The following RTP2 variants were observed in gnomAD, a reference collection of about 807,000 sequenced individuals.
RTP2 encodes the protein receptor-transporting protein 2.
RTP2 carries 12 observed loss-of-function variants against 17.9 expected under a neutral mutation model. The observed-to-expected ratio is 0.67, with a 90% CI of 0.43 to 1.09. The LOEUF (loss-of-function observed/expected upper bound fraction) is 1.09. RTP2 is among the 50% of genes least tolerant of loss of function. The pLI is 0.00. For synonymous variants in RTP2, 126 were observed against 117.7 expected (o/e 1.07, Z -0.46); for missense variants, 327 against 295.7 (o/e 1.11, Z -0.78).
chr3:187,706,811 C>T (rs1238943115), upstream of RTP2, among the ~76,000 whole-genome samples: 1 of 152,126 alleles, frequency 6.6e-6, no homozygotes, highest in Non-Finnish European at 1.5e-5. Context: ...CCATGTTGGC[C>T]AGGCTGGTCT....
Position 187,701,976 on chromosome 3 carries a change from G to A in RTP2, c.153C>T (p.His51=), listed in dbSNP as rs150707467. ...ACTGAACCTCTCACCTGCCTGAGGC[G>A]TGCTGCTCCAGGTACTGCTTCCAGC... The change falls in exon 1 of 2, where the codon CAC becomes CAT. Residue 51 remains histidine, a synonymous_variant. Transcript: ENST00000358241. 794 of 1,601,280 alleles carry A rather than the reference G, an allele frequency of 5.0e-4. 2 individuals carry two copies. Among genetic ancestry groups the A allele is most frequent in the Non-Finnish European group, 5.9e-4 (691 of 1,172,358 alleles).
upstream of RTP2, among the ~76,000 whole-genome samples, chr3:187,703,144 C>T (rs946129525): frequency 8.5e-5 from 13 of 152,158 alleles, no homozygotes; most frequent in African/African-American, 2.7e-4. Context: ...GACACGGTTA[C>T]CTGAAGGGAG....
the RTP2 span, among the ~76,000 whole-genome samples, chr3:187,714,501 T>C: frequency 1.3e-5 from 2 of 152,166 alleles, no homozygotes; most frequent in African/African-American, 2.4e-5. Context: ...ACTCAAAAAA[T>C]AGCACTGGCC....
chr3:187,705,587 A>G (rs1038467510), upstream of RTP2, among the ~76,000 whole-genome samples: 5 of 152,202 alleles, frequency 3.3e-5, no homozygotes, highest in Admixed American at 6.5e-5. Flanking sequence ...GAAAGGACCC[A>G]TTAAAGCTGA....
At chr3:187,700,155 T>A (rs1326751707) in intron 1 of RTP2, among the ~76,000 whole-genome samples, 1 of 152,162 alleles carries the variant, frequency 6.6e-6, no homozygotes, top group African/African-American at 2.4e-5. Flanking sequence ...ACACCTCCCA[T>A]ATGCCAAGCA....
At chr3:187,708,046 G>T in the RTP2 span, among the ~76,000 whole-genome samples, 1 of 152,204 alleles carries the variant, frequency 6.6e-6, no homozygotes, top group Non-Finnish European at 1.5e-5. Context: ...TATTAATAGA[G>T]TTGGAATATT....
the RTP2 span, among the ~76,000 whole-genome samples, chr3:187,708,386 C>G: frequency 6.6e-6 from 1 of 152,232 alleles, no homozygotes; most frequent in Non-Finnish European, 1.5e-5. Context: ...GGTGCCATAA[C>G]AGTTACTTAA....
intron 1 of RTP2, among the ~76,000 whole-genome samples, chr3:187,700,444 A>G (rs1358886228): frequency 3.3e-5 from 5 of 152,230 alleles, no homozygotes; most frequent in African/African-American, 1.2e-4. Context: ...GGGAGCCACA[A>G]GTCACCAGCC....
At chr3:187,703,739 A>C (rs562071196), upstream of RTP2, among the ~76,000 whole-genome samples, 27 of 152,116 alleles carry the variant, frequency 1.8e-4, no homozygotes, top group African/African-American at 6.5e-4. Context: ...CCTGGCCTAG[A>C]CCCTCGTGCC....
chr3:187,699,094 C>T, intron 1 of RTP2, 83 bp from the exon 2 acceptor site: 2 of 1,440,548 alleles, frequency 1.4e-6, no homozygotes, highest in Non-Finnish European at 1.8e-6. Context: ...GAAAAAAAAG[C>T]CTGTGTGCCC....
chr3:187,706,526 T>C (rs988664473), upstream of RTP2, among the ~76,000 whole-genome samples: 11 of 152,214 alleles, frequency 7.2e-5, no homozygotes, highest in African/African-American at 2.7e-4. Flanking sequence ...AGAACAATTA[T>C]AGTTAAATTT....
At chr3:187,708,867 A>G in the RTP2 span, among the ~76,000 whole-genome samples, 6 of 152,076 alleles carry the variant, frequency 3.9e-5, no homozygotes, top group Non-Finnish European at 7.4e-5. Flanking sequence ...GAGGTCCTAT[A>G]GTTAATAAGT....
chr3:187,704,841 G>A (rs1717950974), upstream of RTP2, among the ~76,000 whole-genome samples: 1 of 152,172 alleles, frequency 6.6e-6, no homozygotes, highest in South Asian at 2.1e-4. Flanking sequence ...TCTCAGGGGA[G>A]GCCACACAGA....
At chr3:187,709,460 C>A in the RTP2 span, among the ~76,000 whole-genome samples, 1 of 152,060 alleles carries the variant, frequency 6.6e-6, no homozygotes, top group Non-Finnish European at 1.5e-5. Context: ...CCGAGGTGGG[C>A]AGATCATGAA....
the RTP2 span, among the ~76,000 whole-genome samples, chr3:187,710,855 T>C: frequency 6.6e-6 from 1 of 152,142 alleles, no homozygotes; most frequent in Non-Finnish European, 1.5e-5. Context: ...ACAAAGCTCT[T>C]TATGGGGAGT....
intron 1 of RTP2, among the ~76,000 whole-genome samples, chr3:187,699,280 A>C (rs1717781751): frequency 6.6e-6 from 1 of 152,136 alleles, no homozygotes; most frequent in Non-Finnish European, 1.5e-5. Flanking sequence ...CTGCGGTCTC[A>C]GCTGCCCCCC....
chr3:187,708,971 T>TC, the RTP2 span, among the ~76,000 whole-genome samples: 9 of 89,318 alleles, frequency 1.0e-4, no homozygotes, highest in South Asian at 1.5e-3. Flanking sequence ...TTTTTTTCCT[T>TC]TTTTTTTTTT....
the RTP2 span, among the ~76,000 whole-genome samples, chr3:187,713,999 T>C: frequency 1.3e-5 from 2 of 152,174 alleles, no homozygotes; most frequent in Admixed American, 1.3e-4. Context: ...GCTAGCTGAG[T>C]GTCTGACAGC....
In RTP2 at chr3:187,702,177, C is replaced by T. The variant is rs777503148; in HGVS notation, c.-49G>A. On this transcript the variant is annotated 5_prime_UTR_variant, in exon 1 of 2. The change creates a new upstream start codon in the 5' untranslated region. Coordinates refer to ENST00000358241, the Ensembl canonical transcript of RTP2. ...TTCGAGCTCAGCCCTGGTGAGAACA[C>T]AGAAAGAGCACGGATAGGTACGGGA... The T allele has an allele frequency of 1.9e-6, 3 of 1,546,158 alleles. No homozygotes were observed. The highest frequency in any genetic ancestry group is 1.2e-5 in the South Asian group (1 of 81,424).
Sources: gnomAD v4.1 joint callset for allele counts (sites outside exome capture counted in the v4.1 genomes callset) on GRCh38, gnomAD v4.1.1 for gene constraint, MANE v1.5 for transcripts, NCBI Gene and HGNC (gene_info 2026-07-23, HGNC 2026-07-21) for gene names.